Variants in CNTNAP2 observed in about 807,000 individuals in gnomAD.
CNTNAP2 encodes contactin-associated protein-like 2.
A neutral mutation model predicts 155.2 loss-of-function variants in CNTNAP2; 98 were observed. That is an observed-to-expected ratio of 0.63 (90% confidence interval 0.54 to 0.75). The LOEUF (loss-of-function observed/expected upper bound fraction) is 0.75, where lower values mean the gene tolerates loss of function less well. Ranked by LOEUF, CNTNAP2 falls within the 30% of genes least tolerant of loss-of-function variation. The probability of loss-of-function intolerance (pLI) is 0.00; values close to 1 mark genes in which losing one functional copy is unlikely to be tolerated. For missense variants in CNTNAP2, 1,727 were observed against 1,688.1 expected, an observed-to-expected ratio of 1.02 and a Z score of -0.40; for synonymous variants, 651 against 631.2, an observed-to-expected ratio of 1.03 and a Z score of -0.47.
chr7:148,402,682 G>A (rs912318734), intron 22 of CNTNAP2, among the ~76,000 whole-genome samples: 3 of 152,092 alleles, frequency 2.0e-5, no homozygotes, highest in Non-Finnish European at 2.9e-5. Flanking sequence ...ACCTCATCTC[G>A]CCCGGACCCA....
At chr7:146,448,664 C>T (rs994108139) in intron 1 of CNTNAP2, among the ~76,000 whole-genome samples, 9 of 151,954 alleles carry the variant, frequency 5.9e-5, no homozygotes, top group African/African-American at 2.2e-4. Flanking sequence ...AACTACTTTC[C>T]TCTAATGGTT....
intron 3 of CNTNAP2, among the ~76,000 whole-genome samples, chr7:147,017,188 G>T (rs536135497): frequency 6.7e-6 from 1 of 150,130 alleles, no homozygotes; most frequent in African/African-American, 2.5e-5. Context: ...TTTTTCTCAC[G>T]TCTTTTCCCA....
chr7:148,024,157 T>TAA (rs34591496), intron 15 of CNTNAP2, among the ~76,000 whole-genome samples: 32,342 of 107,480 alleles, frequency 0.3, 5,493 homozygotes, highest in East Asian at 0.54. Context: ...CTTTAAAGTG[T>TAA]AAAAAAAAAA....
At chr7:147,031,721 C>A (rs998330841) in intron 3 of CNTNAP2, among the ~76,000 whole-genome samples, 2 of 152,200 alleles carry the variant, frequency 1.3e-5, no homozygotes, top group African/African-American at 4.8e-5. Flanking sequence ...AGTTCCAGAC[C>A]AGCCTGGGCA....
intron 1 of CNTNAP2, among the ~76,000 whole-genome samples, chr7:146,272,880 A>C (rs1347185498): frequency 6.6e-6 from 1 of 152,172 alleles, no homozygotes; most frequent in African/African-American, 2.4e-5. Context: ...GAAGATTTGA[A>C]CCTGCGTAAA....
At chr7:148,367,635 C>A (rs1033340160) in intron 21 of CNTNAP2, among the ~76,000 whole-genome samples, 7 of 152,080 alleles carry the variant, frequency 4.6e-5, no homozygotes, top group African/African-American at 1.4e-4. Context: ...AGAACTAGAT[C>A]TCTTGTTATC....
chr7:146,314,998 G>C (rs1441744030), intron 1 of CNTNAP2, among the ~76,000 whole-genome samples: 2 of 152,222 alleles, frequency 1.3e-5, no homozygotes, highest in East Asian at 3.9e-4. Flanking sequence ...TCTTCACAGA[G>C]AGACTGCAGG....
intron 13 of CNTNAP2, among the ~76,000 whole-genome samples, chr7:147,666,407 A>G (rs570742140): frequency 9.3e-4 from 141 of 152,206 alleles, no homozygotes; most frequent in Non-Finnish European, 1.7e-3. Flanking sequence ...GTGTGTGGTG[A>G]TGCTGGTGTA....
At chr7:147,408,627 G>A (rs1450305787) in intron 10 of CNTNAP2, among the ~76,000 whole-genome samples, 3 of 152,060 alleles carry the variant, frequency 2.0e-5, no homozygotes, top group South Asian at 2.1e-4. Flanking sequence ...GCGTGGTGGC[G>A]GGCGCCTGTA....
At chr7:147,533,730 T>C (rs2116730371) in intron 11 of CNTNAP2, among the ~76,000 whole-genome samples, 1 of 150,644 alleles carries the variant, frequency 6.6e-6, no homozygotes, top group East Asian at 1.9e-4. Context: ...AAAAGCACCT[T>C]ACTTTTTACT....
At chr7:147,640,784 G>C (rs1008987173) in intron 13 of CNTNAP2, among the ~76,000 whole-genome samples, 5 of 152,164 alleles carry the variant, frequency 3.3e-5, no homozygotes, top group Admixed American at 1.3e-4. Flanking sequence ...GACAGAGAGA[G>C]GAAGGGATTC....
intron 13 of CNTNAP2, among the ~76,000 whole-genome samples, chr7:147,707,625 G>C (rs1175989053): frequency 1.3e-5 from 2 of 152,208 alleles, no homozygotes. Flanking sequence ...TGGGCCTCTA[G>C]GTGGCTTGCC....
intron 8 of CNTNAP2, among the ~76,000 whole-genome samples, chr7:147,274,280 A>G (rs1804841779): frequency 6.6e-6 from 1 of 152,130 alleles, no homozygotes; most frequent in African/African-American, 2.4e-5. Context: ...AATGTTATAT[A>G]AGCATTCCCT....
chr7:148,001,307 G>T (rs558647890), intron 15 of CNTNAP2, among the ~76,000 whole-genome samples: 1 of 152,224 alleles, frequency 6.6e-6, no homozygotes, highest in African/African-American at 2.4e-5. Flanking sequence ...CTAGCCTTCA[G>T]CCTGGCTCTC....
intron 10 of CNTNAP2, among the ~76,000 whole-genome samples, chr7:147,407,075 A>C (rs1019271875): frequency 2.0e-5 from 3 of 152,182 alleles, no homozygotes; most frequent in African/African-American, 7.2e-5. Context: ...CCCTCTGGGA[A>C]ATTAGACATG....
chr7:147,708,516 G>A (rs1171183253), intron 13 of CNTNAP2, among the ~76,000 whole-genome samples: 2 of 152,110 alleles, frequency 1.3e-5, no homozygotes, highest in African/African-American at 4.8e-5. Flanking sequence ...GGCAGAGGGT[G>A]TGACTCAGCT....
chr7:147,598,468 T>C (rs1800872216), intron 12 of CNTNAP2, among the ~76,000 whole-genome samples: 1 of 152,126 alleles, frequency 6.6e-6, no homozygotes, highest in Non-Finnish European at 1.5e-5. Flanking sequence ...TTGCTGAGAA[T>C]GATGGTTTCC....
At chr7:147,225,558 C>T (rs1431195507) in intron 8 of CNTNAP2, among the ~76,000 whole-genome samples, 1 of 152,104 alleles carries the variant, frequency 6.6e-6, no homozygotes, top group East Asian at 1.9e-4. Context: ...TTTTATCATG[C>T]TGCCAGTAAT....
intron 1 of CNTNAP2, among the ~76,000 whole-genome samples, chr7:146,488,632 TTTTG>T (rs1407303146): frequency 6.6e-6 from 1 of 152,000 alleles, no homozygotes; most frequent in African/African-American, 2.4e-5. Flanking sequence ...TTTTGTTTTG[TTTTG>T]TTTGTTTTTG....
Sources: gnomAD v4.1 joint callset for allele counts (sites outside exome capture counted in the v4.1 genomes callset) on GRCh38, gnomAD v4.1.1 for gene constraint, MANE v1.5 for transcripts, NCBI Gene and HGNC (gene_info 2026-07-23, HGNC 2026-07-21) for gene names.